FAM83B: variants seen among roughly 807,000 people sequenced by gnomAD.
The protein encoded by FAM83B is scaffolding CK1 anchoring protein B.
FAM83B carries 26 observed loss-of-function variants against 38.8 expected under a neutral mutation model. The observed-to-expected ratio is 0.67, with a 90% CI of 0.49 to 0.93. The LOEUF is 0.93. Ranked by LOEUF, FAM83B falls within the 40% of genes least tolerant of loss-of-function variation. The pLI, the probability that FAM83B is intolerant of heterozygous loss-of-function variation, is 0.00. For missense variants in FAM83B, 1,237 were observed against 1,197.3 expected, an observed-to-expected ratio of 1.03 and a Z score of -0.49; for synonymous variants, 419 against 423.1, an observed-to-expected ratio of 0.99 and a Z score of 0.12.
intron 2 of FAM83B, among the ~76,000 whole-genome samples, chr6:54,873,728 A>C (rs894073454): frequency 1.3e-5 from 2 of 151,144 alleles, no homozygotes; most frequent in African/African-American, 4.8e-5. Context: ...CTCAGGGAGA[A>C]TCTTTTGGTA....
chr6:54,881,886 C>T (rs1480883935), intron 2 of FAM83B, among the ~76,000 whole-genome samples: 3 of 152,126 alleles, frequency 2.0e-5, no homozygotes, highest in Non-Finnish European at 4.4e-5. Context: ...TTACATTAGG[C>T]ATATCTCCTA....
At chr6:54,903,802 T>G (rs952678595) in intron 2 of FAM83B, among the ~76,000 whole-genome samples, 1 of 152,070 alleles carries the variant, frequency 6.6e-6, no homozygotes, top group African/African-American at 2.4e-5. Flanking sequence ...TAATAGGTTT[T>G]TTTAATTACT....
At chr6:54,935,365 A>C (rs938606206) in intron 4 of FAM83B, among the ~76,000 whole-genome samples, 124 of 152,252 alleles carry the variant, frequency 8.1e-4, no homozygotes, top group African/African-American at 2.9e-3. Flanking sequence ...AAATGAAATC[A>C]GGGGAATATG....
chr6:54,869,445 A>G (rs1771792172), intron 1 of FAM83B, among the ~76,000 whole-genome samples: 1 of 152,098 alleles, frequency 6.6e-6, no homozygotes, highest in Non-Finnish European at 1.5e-5. Context: ...TACTCCTGTT[A>G]AAAGGAACCT....
At chr6:54,895,030 G>A (rs1772498875) in intron 2 of FAM83B, among the ~76,000 whole-genome samples, 1 of 152,192 alleles carries the variant, frequency 6.6e-6, no homozygotes, top group Admixed American at 6.5e-5. Flanking sequence ...ATTTCAAGAG[G>A]TTAAGTAATT....
chr6:54,875,516 A>G (rs755801358), intron 2 of FAM83B, among the ~76,000 whole-genome samples: 15 of 152,218 alleles, frequency 9.9e-5, no homozygotes, highest in Non-Finnish European at 1.3e-4. Context: ...GTCAAATTTA[A>G]TGACATTACT....
intron 2 of FAM83B, among the ~76,000 whole-genome samples, chr6:54,893,499 A>C (rs1357373715): frequency 6.6e-6 from 1 of 152,130 alleles, no homozygotes; most frequent in Non-Finnish European, 1.5e-5. Context: ...TTAATACTTC[A>C]TATTTTGGGA....
chr6:54,852,060 T>A (rs549028427), intron 1 of FAM83B, among the ~76,000 whole-genome samples: 1 of 142,592 alleles, frequency 7.0e-6, no homozygotes, highest in African/African-American at 2.5e-5. Context: ...GGATTACAGG[T>A]GTGAGCCACT....
intron 4 of FAM83B, 120 bp downstream of exon 4, chr6:54,927,752 AAAG>A (rs1451969059): frequency 3.5e-6 from 3 of 847,492 alleles, no homozygotes; most frequent in Non-Finnish European, 4.9e-6. Flanking sequence ...AAAAAAAAAA[AAAG>A]AGAACACTTG....
intron 2 of FAM83B, among the ~76,000 whole-genome samples, chr6:54,887,421 C>T (rs1211475767): frequency 2.0e-5 from 3 of 152,122 alleles, no homozygotes; most frequent in Non-Finnish European, 2.9e-5. Flanking sequence ...CTGTGTATTC[C>T]GAGGGATGAC....
intron 2 of FAM83B, among the ~76,000 whole-genome samples, chr6:54,890,555 A>C (rs902890537): frequency 3.9e-5 from 6 of 152,110 alleles, no homozygotes; most frequent in African/African-American, 1.4e-4. Flanking sequence ...AATTATTTTA[A>C]CATAATAGTA....
In FAM83B at chr6:54,941,877, G is replaced by C; in HGVS notation, c.2906G>C (p.Gly969Ala). 6.2e-7 allele frequency: 1 copy of C among 1,614,086 alleles called. No homozygotes were observed. The highest frequency in any genetic ancestry group is 8.5e-7 in the Non-Finnish European group (1 of 1,180,010). ...NRPEIKSATM[G>A]NSYGRSSPLL... is the part of the protein sequence containing the mutation. ...CCAGAAATAAAATCTGCGACTATGG[G>C]CAACAGTTATGGCAGGTCTAGTCCA... is the stretch of plus-strand genomic sequence containing the variant. The change falls in exon 5 of 5, where the codon GGC (glycine) becomes GCC (alanine). Residue 969 changes from glycine (G) to alanine (A), a missense_variant. Physicochemically the swap from Gly to Ala is moderately conservative, Grantham distance 60. Transcript: ENST00000306858.
At chr6:54,851,708 C>T (rs1356099903) in intron 1 of FAM83B, among the ~76,000 whole-genome samples, 4 of 126,938 alleles carry the variant, frequency 3.2e-5, no homozygotes, top group East Asian at 2.2e-4. Context: ...AGTGCAGTGG[C>T]GAGATCTGGG....
intron 2 of FAM83B, among the ~76,000 whole-genome samples, chr6:54,903,029 G>A (rs924983622): frequency 6.6e-6 from 1 of 152,120 alleles, no homozygotes; most frequent in African/African-American, 2.4e-5. Context: ...AAGAAGATAT[G>A]TAGAAAATAA....
At chr6:54,906,297 ATGAAT>A (rs1772775258) in intron 2 of FAM83B, among the ~76,000 whole-genome samples, 1 of 152,166 alleles carries the variant, frequency 6.6e-6, no homozygotes, top group African/African-American at 2.4e-5. Context: ...CATACATGAA[ATGAAT>A]TGAGTTGGTG....
At chr6:54,903,035 A>T (rs1772698171) in intron 2 of FAM83B, among the ~76,000 whole-genome samples, 1 of 152,222 alleles carries the variant, frequency 6.6e-6, no homozygotes, top group Non-Finnish European at 1.5e-5. Flanking sequence ...ATATGTAGAA[A>T]ATAATAAAAA....
chr6:54,885,124 T>C (rs1252487771), intron 2 of FAM83B, among the ~76,000 whole-genome samples: 2 of 152,118 alleles, frequency 1.3e-5, no homozygotes, highest in Non-Finnish European at 2.9e-5. Context: ...TCTTTTGCTT[T>C]TCTGTAGGAA....
intron 4 of FAM83B, among the ~76,000 whole-genome samples, chr6:54,929,527 AAT>A (rs1773377751): frequency 6.6e-6 from 1 of 152,180 alleles, no homozygotes; most frequent in African/African-American, 2.4e-5. Flanking sequence ...ATGAATGTTT[AAT>A]AAAGCATTGT....
At position 54,942,730 on chromosome 6, in the gene FAM83B, T is replaced by TTTTTTTTTTTTTTG. The variant is rs1561934810; in HGVS notation, c.*723_*724insTTTTTTTTTTTTTG. Among the ~76,000 whole-genome samples the TTTTTTTTTTTTTTG allele has an allele frequency of 7.2e-5, 11 of 151,850 alleles. No homozygotes were observed. The highest frequency in any genetic ancestry group is 2.4e-4 in the African/African-American group (10 of 41,180). On this transcript the variant is annotated 3_prime_UTR_variant, in exon 5 of 5. Coordinates refer to ENST00000306858, the MANE Select transcript of FAM83B (RefSeq NM_001010872.3). ...TCTTACCCATAGGCTGCTGATTTTT[T>TTTTTTTTTTTTTTG]ATAGTCATTCCTTACTTCACATTTA...
Sources: allele counts gnomAD v4.1 joint callset (sites outside exome capture counted in the v4.1 genomes callset), GRCh38; gene constraint gnomAD v4.1.1; transcripts MANE v1.5; gene names NCBI Gene and HGNC (gene_info 2026-07-23, HGNC 2026-07-21).